Variants in SHISA5 observed in about 807,000 individuals in gnomAD.
The protein encoded by SHISA5 is shisa family member 5.
A neutral mutation model predicts 27.5 loss-of-function variants in SHISA5; 21 were observed. The observed-to-expected ratio is 0.76, with a 90% confidence interval of 0.54 to 1.10. The LOEUF (loss-of-function observed/expected upper bound fraction) is 1.10. Among genes scored for constraint, SHISA5 ranks in the 50% least tolerant of loss-of-function variants. SHISA5 has a pLI of 0.00. For synonymous variants in SHISA5, 137 were observed against 142.2 expected, an observed-to-expected ratio of 0.96 and a Z score of 0.26; for missense variants, 314 against 336.3, an observed-to-expected ratio of 0.93 and a Z score of 0.52.
chr3:48,490,132 G>T lies in SHISA5; in HGVS notation c.234-10875C>A, dbSNP rs572116218. On this transcript the variant is annotated intron_variant, in intron 2 of 5. Coordinates refer to ENST00000296444, the MANE Select transcript of SHISA5 (RefSeq NM_016479.6). ...CCACCCAGGCTGGCTGGAGTGCAAT[G>T]GCGCAATCTCGGTTCACTACAACCT... is the stretch of plus-strand genomic sequence containing the variant. 7.9e-5 allele frequency among the ~76,000 whole-genome samples: 12 copies of T among 152,212 alleles called. No homozygotes were observed. The South Asian group carries it at 2.3e-3, about 29-fold the overall frequency.
At position 48,473,230 on chromosome 3, in the gene SHISA5, G is replaced by A; in HGVS notation, c.315-3387C>T. 1 of 1,427,514 alleles carries A rather than the reference G, an allele frequency of 7.0e-7. No homozygotes were observed. The allele number at this position is 1,427,514 out of a possible 1,614,324, so 88.4% of individuals were successfully genotyped here. A position where few individuals can be genotyped will look rare whatever the true frequency, so the allele number is the denominator to read the frequency against. ...GCCCAGCAGCCGGCTAGCAGCCAAG[G>A]AGCCAAGGGGCGGGGGCCGGGGAGG... On this transcript the variant is annotated intron_variant, in intron 3 of 5. Transcript: ENST00000296444. This position sits in a 1 kb window ranked among gnomAD's most constrained non-coding sequence, Gnocchi z 4.3.
chr3:48,468,732 A>C lies in SHISA5; in HGVS notation c.*375T>G, dbSNP rs1392280218. ...GCGCCACCCTGGTGTGACAGGCCCTACTTGGTCACCCTAGGGTAAGCTGGA... is the reference window on the plus strand; with the variant it reads ...GCGCCACCCTGGTGTGACAGGCCCTCCTTGGTCACCCTAGGGTAAGCTGGA... On this transcript the variant is annotated 3_prime_UTR_variant, in exon 6 of 6. Coordinates refer to ENST00000296444, the MANE Select transcript of SHISA5 (RefSeq NM_016479.6). The C allele has an allele frequency of 7.5e-7, 1 of 1,327,514 alleles. No individual in the cohort carries two copies. The highest frequency in any genetic ancestry group is 2.3e-5 in the Admixed American group (1 of 43,570). The allele number at this position is 1,327,514 out of a possible 1,614,324, so 82.2% of individuals were successfully genotyped here. A position where few individuals can be genotyped will look rare whatever the true frequency, so the allele number is the denominator to read the frequency against.
Position 48,473,666 on chromosome 3 carries a change from G to T in SHISA5, c.315-3823C>A. ...ACCACCTGCTCAAACGCCAGCTATG[G>T]CTCCTGTAGCTCTTGCGATTACAAA... On this transcript the variant is annotated intron_variant, in intron 3 of 5. Transcript: ENST00000296444. This position sits in a 1 kb window ranked among gnomAD's most constrained non-coding sequence, Gnocchi z 4.3. The T allele has an allele frequency of 9.0e-7, 1 of 1,116,256 alleles. No individual in the cohort carries two copies. The highest frequency in any genetic ancestry group is 3.9e-5 in the Admixed American group (1 of 25,716). The allele number at this position is 1,116,256 out of a possible 1,614,324, so 69.1% of individuals were successfully genotyped here. A position where few individuals can be genotyped will look rare whatever the true frequency, so the allele number is the denominator to read the frequency against.
intron 2 of SHISA5, among the ~76,000 whole-genome samples, chr3:48,485,058 G>A (rs1341288099): frequency 6.6e-6 from 1 of 151,448 alleles, no homozygotes; most frequent in African/African-American, 2.4e-5. Context: ...CTGGGCATGT[G>A]GTCCCAGCTA....
upstream of SHISA5, chr3:48,504,537 T>C (rs139121804): frequency 6.4e-6 from 1 of 156,810 alleles, no homozygotes; most frequent in Admixed American, 6.5e-5. The surrounding 1 kb of genome is among the most constrained non-coding windows in gnomAD (Gnocchi z 4.0). Flanking sequence ...GCCACAGCCA[T>C]CCCTCCCAGC....
chr3:48,489,621 CTTTT>C (rs58568695), intron 2 of SHISA5, among the ~76,000 whole-genome samples: 1 of 80,880 alleles, frequency 1.2e-5, no homozygotes, highest in Admixed American at 1.5e-4. Flanking sequence ...TGCGCCTGGC[CTTTT>C]TTTTTTTTTT....
chr3:48,501,860 CTT>C (rs35527637), intron 1 of SHISA5, among the ~76,000 whole-genome samples: 24 of 133,034 alleles, frequency 1.8e-4, no homozygotes, highest in South Asian at 2.3e-4. Flanking sequence ...CCCTTTCTTT[CTT>C]TTTTTTTTTT....
intron 2 of SHISA5, among the ~76,000 whole-genome samples, chr3:48,497,508 G>A (rs1161354786): frequency 6.6e-6 from 1 of 151,098 alleles, no homozygotes; most frequent in Non-Finnish European, 1.5e-5. Flanking sequence ...TGACCCACCC[G>A]CCTCAGCCTC....
At chr3:48,498,433 T>C (rs1382740787) in intron 2 of SHISA5, among the ~76,000 whole-genome samples, 1 of 152,186 alleles carries the variant, frequency 6.6e-6, no homozygotes, top group Non-Finnish European at 1.5e-5. Context: ...ATGCCTGTAA[T>C]TCTAGCACTT....
chr3:48,474,479 G>C (rs1415022541), intron 3 of SHISA5, among the ~76,000 whole-genome samples: 2 of 151,740 alleles, frequency 1.3e-5, no homozygotes, highest in Admixed American at 6.6e-5. Flanking sequence ...TGGGACTACA[G>C]GTGCGTGCCA....
intron 2 of SHISA5, among the ~76,000 whole-genome samples, chr3:48,483,858 CG>C (rs1314337914): frequency 2.0e-5 from 3 of 151,092 alleles, no homozygotes; most frequent in African/African-American, 7.3e-5. Context: ...GCTGGCCGGG[CG>C]GGGGGCTGAC....
intron 2 of SHISA5, among the ~76,000 whole-genome samples, chr3:48,499,086 A>C (rs1335511570): frequency 6.6e-6 from 1 of 151,598 alleles, no homozygotes; most frequent in Non-Finnish European, 1.5e-5. Flanking sequence ...CCATCTCAAA[A>C]AAAAAAAAAA....
At chr3:48,499,927 C>A in intron 2 of SHISA5, among the ~76,000 whole-genome samples, 1 of 146,402 alleles carries the variant, frequency 6.8e-6, no homozygotes, top group Admixed American at 6.8e-5. Context: ...AGAAGAAGAC[C>A]TGTCAGGAAC....
intron 1 of SHISA5, chr3:48,502,335 T>C: frequency 2.2e-6 from 1 of 455,856 alleles, no homozygotes; most frequent in Non-Finnish European, 4.4e-6. Flanking sequence ...CCAGCGTTCA[T>C]AAAGCACTTA....
Position 48,469,343 on chromosome 3 carries a change from G to GT in SHISA5, c.643+17dup, listed in dbSNP as rs778270661. 75 of 1,576,336 alleles carry GT rather than the reference G, an allele frequency of 4.8e-5. No homozygotes were observed. Among genetic ancestry groups the GT allele is most frequent in the Non-Finnish European group, 6.4e-5 (74 of 1,159,366 alleles). Reference sequence around the variant, plus strand: ...ACTCGGGAAGTCGGGCAGGGCTAGAGTTGGCAGGGGCACTCACCAGCCAGG... The same window carrying GT: ...ACTCGGGAAGTCGGGCAGGGCTAGAGTTTGGCAGGGGCACTCACCAGCCAGG... On this transcript the variant is annotated intron_variant, in intron 5 of 5. Coordinates refer to ENST00000296444, the MANE Select transcript of SHISA5 (RefSeq NM_016479.6). The surrounding 1 kb of genome is among the most constrained non-coding windows in gnomAD (Gnocchi z 4.6).
At chr3:48,501,008 G>A (rs757143948) in intron 2 of SHISA5, 129 bp downstream of exon 2, 1 of 1,079,288 alleles carries the variant, frequency 9.3e-7, no homozygotes, top group Non-Finnish European at 1.3e-6. Flanking sequence ...TAAACCCTCT[G>A]CTCCAATGCT....
rs569845710 is a variant in SHISA5, at chr3:48,501,009, C to T, written c.233+128G>A. ...GAACAGGGGATCCCTAAACCCTCTG[C>T]TCCAATGCTCTGGCCACCATCTTGA... On this transcript the variant is annotated intron_variant, in intron 2 of 5. Coordinates refer to ENST00000296444, the MANE Select transcript of SHISA5 (RefSeq NM_016479.6). The T allele has an allele frequency of 1.2e-4, 127 of 1,099,046 alleles. 1 individual carries two copies. The African/African-American group carries it at 1.8e-3, about 16-fold the overall frequency. 68.1% of individuals were successfully genotyped at this position (1,099,046 alleles called of 1,614,324 possible). A position where few individuals can be genotyped will look rare whatever the true frequency, so the allele number is the denominator to read the frequency against.
At chr3:48,482,633 AACTC>A in intron 2 of SHISA5, among the ~76,000 whole-genome samples, 1 of 152,006 alleles carries the variant, frequency 6.6e-6, no homozygotes, top group Non-Finnish European at 1.5e-5. Flanking sequence ...TAGCAATGAA[AACTC>A]ACTTTTTTTT....
chr3:48,481,653 G>T (rs1327814202), intron 2 of SHISA5, among the ~76,000 whole-genome samples: 1 of 151,722 alleles, frequency 6.6e-6, no homozygotes, highest in Non-Finnish European at 1.5e-5. Context: ...GCCTGGTGTG[G>T]TGGTGGCCGC....
Sources: allele counts gnomAD v4.1 joint callset (sites outside exome capture counted in the v4.1 genomes callset), GRCh38; gene constraint gnomAD v4.1.1; non-coding constraint Gnocchi (gnomAD v3.1); transcripts MANE v1.5; gene names NCBI Gene and HGNC (gene_info 2026-07-23, HGNC 2026-07-21).